WDPCP: variants seen among roughly 807,000 people sequenced by gnomAD.
WDPCP encodes WD repeat-containing and planar cell polarity effector protein fritz homolog.
In WDPCP, 71 loss-of-function variants were observed where a neutral mutation model predicts 93.1. That is an observed-to-expected ratio of 0.76 (90% confidence interval 0.63 to 0.93). WDPCP has a LOEUF of 0.93. WDPCP is among the 40% of genes least tolerant of loss of function. The pLI is 0.00. For missense variants in WDPCP, 844 were observed against 887.4 expected (o/e 0.95, Z 0.62); for synonymous variants, 315 against 315.0 (o/e 1.00, Z 0.00).
At chr2:63,720,584 T>G (rs1186642484) in intron 2 of WDPCP, among the ~76,000 whole-genome samples, 7 of 152,150 alleles carry the variant, frequency 4.6e-5, no homozygotes, top group Admixed American at 1.3e-4. Flanking sequence ...CCCCATTGAT[T>G]TTTTTTCCTA....
intron 2 of WDPCP, among the ~76,000 whole-genome samples, chr2:63,722,629 C>A (rs1273756458): frequency 7.8e-6 from 1 of 128,208 alleles, no homozygotes. Context: ...AGCCCCCGCC[C>A]GGCCAGCCGC....
At chr2:63,449,109 T>C (rs1381939175) in intron 6 of WDPCP, among the ~76,000 whole-genome samples, 2 of 152,214 alleles carry the variant, frequency 1.3e-5, no homozygotes, top group Non-Finnish European at 2.9e-5. Context: ...CATCACATTG[T>C]ACCCCATAAA....
chr2:63,226,331 A>T (rs1678286967), intron 14 of WDPCP, among the ~76,000 whole-genome samples: 1 of 151,870 alleles, frequency 6.6e-6, no homozygotes, highest in South Asian at 2.1e-4. Context: ...TTTTTGAGTA[A>T]AAGATTTTCC....
At chr2:63,339,595 T>C (rs936007829) in intron 12 of WDPCP, among the ~76,000 whole-genome samples, 2 of 152,118 alleles carry the variant, frequency 1.3e-5, no homozygotes, top group African/African-American at 4.8e-5. Flanking sequence ...TTTGGTGGGG[T>C]CTTTAGGTTT....
intron 1 of WDPCP, among the ~76,000 whole-genome samples, chr2:63,821,786 T>C (rs1671022661): frequency 6.6e-6 from 1 of 152,096 alleles, no homozygotes; most frequent in African/African-American, 2.4e-5. Flanking sequence ...GCTAAAACTA[T>C]AGGCCCTACT....
chr2:63,735,221 G>A (rs142361321), intron 2 of WDPCP, among the ~76,000 whole-genome samples: 355 of 152,262 alleles, frequency 2.3e-3, no homozygotes, highest in Non-Finnish European at 3.8e-3. Flanking sequence ...CAGATAAATT[G>A]TTACAGGAGT....
intron 12 of WDPCP, among the ~76,000 whole-genome samples, chr2:63,326,743 AAGTC>A (rs772561811): frequency 1.1e-4 from 16 of 151,974 alleles, no homozygotes; most frequent in Admixed American, 2.0e-4. Flanking sequence ...GAACAGAAGA[AAGTC>A]AGAGAGAGAG....
At chr2:63,722,903 A>G (rs1371755652) in intron 2 of WDPCP, among the ~76,000 whole-genome samples, 1 of 151,984 alleles carries the variant, frequency 6.6e-6, no homozygotes, top group Non-Finnish European at 1.5e-5. Context: ...TGTAGAAAGA[A>G]GTAGACATGG....
intron 1 of WDPCP, among the ~76,000 whole-genome samples, chr2:63,826,033 C>A (rs974516451): frequency 6.6e-6 from 1 of 152,044 alleles, no homozygotes; most frequent in African/African-American, 2.4e-5. Flanking sequence ...TATTTCCTGA[C>A]ACAAAATTAT....
intron 13 of WDPCP, among the ~76,000 whole-genome samples, chr2:63,260,835 A>T (rs1253161746): frequency 6.6e-6 from 1 of 152,218 alleles, no homozygotes; most frequent in African/African-American, 2.4e-5. Context: ...GGCGTGAGCC[A>T]CCAGCACCCG....
chr2:63,225,312 CT>C (rs1678194362), intron 14 of WDPCP, among the ~76,000 whole-genome samples: 1 of 151,712 alleles, frequency 6.6e-6, no homozygotes, highest in South Asian at 2.1e-4. Flanking sequence ...TAAAAAGAAA[CT>C]TTGTGAATCA....
At chr2:63,728,715 A>C (rs543804368) in intron 2 of WDPCP, among the ~76,000 whole-genome samples, 56 of 152,172 alleles carry the variant, frequency 3.7e-4, no homozygotes, top group African/African-American at 1.2e-3. Context: ...TTGTGACTTT[A>C]GTGTTGGCAT....
intron 2 of WDPCP, among the ~76,000 whole-genome samples, chr2:63,703,120 A>G (rs1277725214): frequency 6.6e-6 from 1 of 151,784 alleles, no homozygotes; most frequent in Non-Finnish European, 1.5e-5. Context: ...CCAGTCTATC[A>G]TTGTTGGACA....
intron 7 of WDPCP, among the ~76,000 whole-genome samples, chr2:63,439,212 T>G (rs984832350): frequency 1.3e-5 from 2 of 152,198 alleles, no homozygotes; most frequent in Admixed American, 6.6e-5. Flanking sequence ...CTTTTTCTTA[T>G]GTGCTTTGTA....
rs539818056 is a variant in WDPCP at position 63,369,038 on chromosome 2, C to A, written c.1748+9348G>T. The A allele has an allele frequency of 9.1e-5, 14 of 154,032 alleles. No homozygotes were observed. In the South Asian group the frequency reaches 2.8e-3, roughly 31 times the overall value. The allele number at this position is 154,032 out of a possible 1,614,324, so 9.5% of individuals were successfully genotyped here. Reference sequence around the variant, plus strand: ...TGTAAACAGCCAAAAATCATCATATCTCTCTTAATAGCTGCAGTTTGCACA... The same window carrying A: ...TGTAAACAGCCAAAAATCATCATATATCTCTTAATAGCTGCAGTTTGCACA... On this transcript the variant is annotated intron_variant, in intron 12 of 17. Transcript: ENST00000272321.
chr2:63,682,347 T>A (rs947473226), intron 2 of WDPCP, among the ~76,000 whole-genome samples: 11 of 152,274 alleles, frequency 7.2e-5, no homozygotes, highest in African/African-American at 2.4e-4. Context: ...ATTGAAATAA[T>A]TAAAAAGAAT....
intron 2 of WDPCP, among the ~76,000 whole-genome samples, chr2:63,771,223 C>CT (rs1343816749): frequency 6.6e-6 from 1 of 151,386 alleles, no homozygotes; most frequent in African/African-American, 2.4e-5. Context: ...GGAGATATCA[C>CT]TATAAAGTCA....
At chr2:63,809,085 G>C (rs1356510129) in intron 2 of WDPCP, among the ~76,000 whole-genome samples, 1 of 151,744 alleles carries the variant, frequency 6.6e-6, no homozygotes, top group Non-Finnish European at 1.5e-5. Flanking sequence ...CGTCTGAGAA[G>C]TGAGGAGTCC....
intron 12 of WDPCP, among the ~76,000 whole-genome samples, chr2:63,319,856 G>A (rs192706790): frequency 6.6e-6 from 1 of 152,236 alleles, no homozygotes; most frequent in Admixed American, 6.5e-5. Flanking sequence ...TATGTAGTAA[G>A]TAAAAAAGCA....
Sources: gnomAD v4.1 joint callset for allele counts (sites outside exome capture counted in the v4.1 genomes callset) on GRCh38, gnomAD v4.1.1 for gene constraint, MANE v1.5 for transcripts, NCBI Gene and HGNC (gene_info 2026-07-23, HGNC 2026-07-21) for gene names.